PTPRD: variants seen among roughly 807,000 people sequenced by gnomAD.
PTPRD encodes receptor-type tyrosine-protein phosphatase delta.
PTPRD carries 34 observed loss-of-function variants against 214.5 expected under a neutral mutation model. The ratio of observed to expected loss-of-function variants is 0.16; its 90% CI spans 0.12 to 0.21. The LOEUF is 0.21. Ranked by LOEUF, PTPRD falls within the 10% of genes least tolerant of loss-of-function variation. The pLI is 1.00. For missense variants in PTPRD, 2,545 were observed against 2,398.7 expected, an observed-to-expected ratio of 1.06 and a Z score of -1.27; for synonymous variants, 1,128 against 845.7, an observed-to-expected ratio of 1.33 and a Z score of -5.79.
intron 7 of PTPRD, among the ~76,000 whole-genome samples, chr9:9,634,019 T>C (rs908692636): frequency 5.9e-5 from 9 of 152,154 alleles, no homozygotes; most frequent in Non-Finnish European, 4.4e-5. Context: ...ATCTTTATGA[T>C]ATAGACAGCA....
At chr9:9,265,003 C>A (rs745814975) in intron 9 of PTPRD, among the ~76,000 whole-genome samples, 1 of 151,450 alleles carries the variant, frequency 6.6e-6, no homozygotes, top group Non-Finnish European at 1.5e-5. Context: ...TAAGGGTGTT[C>A]ATCGCAACTA....
At chr9:9,094,956 T>C (rs141331387) in intron 10 of PTPRD, among the ~76,000 whole-genome samples, 10 of 152,136 alleles carry the variant, frequency 6.6e-5, no homozygotes, top group African/African-American at 1.9e-4. Context: ...ATCTAGCAAA[T>C]AGACAAAAGT....
chr9:8,738,379 T>C (rs888900741), intron 11 of PTPRD, among the ~76,000 whole-genome samples: 1 of 149,414 alleles, frequency 6.7e-6, no homozygotes, highest in Admixed American at 6.6e-5. Context: ...TTCAGCTTTC[T>C]ATACTGTTAT....
chr9:8,654,537 A>G (rs929496457), intron 12 of PTPRD, among the ~76,000 whole-genome samples: 28 of 152,224 alleles, frequency 1.8e-4, no homozygotes, highest in Admixed American at 5.9e-4. Context: ...TGAATTAGGC[A>G]CCTACTTATG....
chr9:9,930,248 C>T (rs900970352), intron 5 of PTPRD, among the ~76,000 whole-genome samples: 4 of 151,996 alleles, frequency 2.6e-5, no homozygotes, highest in Non-Finnish European at 5.9e-5. Context: ...TAGAGTGTGC[C>T]TTTGGTTAGA....
intron 5 of PTPRD, among the ~76,000 whole-genome samples, chr9:9,772,225 G>T (rs2098757642): frequency 6.6e-6 from 1 of 152,080 alleles, no homozygotes. Context: ...ACACAGAGAA[G>T]ACGGCCATCT....
chr9:8,777,136 C>T lies in PTPRD; in HGVS notation c.-103-43190G>A, dbSNP rs140054970. ...CTGGAACTACAGGTGCGTGCCACCG[C>T]GCCTAATTTTTTGTTGTTGTTTTTT... On this transcript the variant is annotated intron_variant, in intron 11 of 45. Coordinates refer to ENST00000381196, the MANE Select transcript of PTPRD (RefSeq NM_002839.4). 5.7e-3 allele frequency among the ~76,000 whole-genome samples: 871 copies of T among 151,890 alleles called. 4 individuals carry two copies. The highest frequency in any genetic ancestry group is 0.01 in the Middle Eastern group (3 of 294).
At chr9:8,659,512 C>A (rs1180480837) in intron 12 of PTPRD, among the ~76,000 whole-genome samples, 1 of 152,190 alleles carries the variant, frequency 6.6e-6, no homozygotes, top group Admixed American at 6.5e-5. Flanking sequence ...CCCTCTCCAT[C>A]CAGGAATATA....
chr9:8,504,294 T>C lies in PTPRD; in HGVS notation c.1789A>G (p.Thr597Ala), dbSNP rs1034278262. ...ATGGTTCTAGCTGATATTTCTGCAGTAGAAGCACCCAGGCCTTGAGGGGAG... is the reference window on the plus strand; with the variant it reads ...ATGGTTCTAGCTGATATTTCTGCAGCAGAAGCACCCAGGCCTTGAGGGGAG... ...ARSPQGLGAS[T>A]AEISARTMQS... The change falls in exon 23 of 46, where the codon ACT becomes GCT. Residue 597 changes from threonine to alanine, a missense_variant. Coordinates refer to ENST00000381196, the MANE Select transcript of PTPRD (RefSeq NM_002839.4). 5.0e-6 allele frequency: 8 copies of C among 1,614,070 alleles called. No individual in the cohort carries two copies. Among genetic ancestry groups the C allele is most frequent in the Non-Finnish European group, 6.8e-6 (8 of 1,180,006 alleles).
intron 8 of PTPRD, among the ~76,000 whole-genome samples, chr9:9,436,057 C>A (rs1414403248): frequency 6.6e-6 from 1 of 152,130 alleles, no homozygotes; most frequent in African/African-American, 2.4e-5. Context: ...CTTCCTGATC[C>A]TTCCAACACC....
At position 9,633,321 on chromosome 9, in the gene PTPRD, G is replaced by C. The variant is rs543095851; in HGVS notation, c.-286-58540C>G. ...CATCTCAGGGAAAAAAAAAAAGAAAGAAAAGTTATGGTCAGTGGGTAGGGA... is the reference window on the plus strand; with the variant it reads ...CATCTCAGGGAAAAAAAAAAAGAAACAAAAGTTATGGTCAGTGGGTAGGGA... On this transcript the variant is annotated intron_variant, in intron 7 of 45. Coordinates refer to ENST00000381196, the MANE Select transcript of PTPRD (RefSeq NM_002839.4). 6.6e-5 allele frequency among the ~76,000 whole-genome samples: 10 copies of C among 151,624 alleles called. No homozygotes were observed. In the South Asian group the frequency reaches 1.9e-3, roughly 28 times the overall value.
chr9:8,411,299 T>C (rs2093496384), intron 35 of PTPRD, among the ~76,000 whole-genome samples: 1 of 143,968 alleles, frequency 6.9e-6, no homozygotes, highest in Admixed American at 6.8e-5. Flanking sequence ...TTTTTATTTA[T>C]CTTTTATTTT....
intron 2 of PTPRD, among the ~76,000 whole-genome samples, chr9:10,512,033 T>TATATATATAC (rs1566643560): frequency 5.2e-4 from 6 of 11,520 alleles, no homozygotes; most frequent in African/African-American, 2.8e-3. Flanking sequence ...TATATATGTA[T>TATATATATAC]ATATATATAT....
intron 21 of PTPRD, among the ~76,000 whole-genome samples, chr9:8,517,060 C>T (rs1205676259): frequency 6.6e-6 from 1 of 152,068 alleles, no homozygotes; most frequent in Non-Finnish European, 1.5e-5. Flanking sequence ...ATCCACCTAC[C>T]TCCCAAAAGT....
At chr9:8,614,915 T>C (rs916955515) in intron 14 of PTPRD, among the ~76,000 whole-genome samples, 4 of 152,154 alleles carry the variant, frequency 2.6e-5, no homozygotes, top group African/African-American at 7.2e-5. Context: ...TTTCCCACTT[T>C]CTGAACTAAA....
intron 11 of PTPRD, among the ~76,000 whole-genome samples, chr9:8,877,314 C>A (rs1254362330): frequency 3.3e-5 from 5 of 152,106 alleles, no homozygotes; most frequent in African/African-American, 1.2e-4. Context: ...ATGAATAACC[C>A]AGGGTAATGT....
At chr9:9,665,854 T>A (rs562202992) in intron 7 of PTPRD, among the ~76,000 whole-genome samples, 3 of 151,914 alleles carry the variant, frequency 2.0e-5, no homozygotes, top group Admixed American at 2.0e-4. Flanking sequence ...TTTCTGAGAA[T>A]TTAATTGGTA....
intron 9 of PTPRD, among the ~76,000 whole-genome samples, chr9:9,328,429 T>C: frequency 6.6e-6 from 1 of 151,978 alleles, no homozygotes; most frequent in Non-Finnish European, 1.5e-5. Context: ...GAAAAGAAAA[T>C]ATTTCCATTC....
intron 11 of PTPRD, among the ~76,000 whole-genome samples, chr9:8,968,169 G>C (rs142838584): frequency 0.018 from 2,734 of 152,136 alleles, 80 homozygotes; most frequent in African/African-American, 0.061. Flanking sequence ...GGACATTTGG[G>C]TTGGTTCCAA....
Sources: gnomAD v4.1 joint callset for allele counts (sites outside exome capture counted in the v4.1 genomes callset) on GRCh38, gnomAD v4.1.1 for gene constraint, MANE v1.5 for transcripts, NCBI Gene and HGNC (gene_info 2026-07-23, HGNC 2026-07-21) for gene names.